Variants in NLN observed in about 807,000 individuals in gnomAD.
The protein encoded by NLN is neurolysin, mitochondrial.
Under a neutral mutation model 79.9 loss-of-function variants are expected in NLN, and 64 were observed. The observed-to-expected ratio is 0.80, with a 90% confidence interval of 0.65 to 0.99. The LOEUF is 0.99. NLN is among the 50% of genes least tolerant of loss of function. The pLI, the probability that NLN is intolerant of heterozygous loss-of-function variation, is 0.00. For synonymous variants in NLN, 267 were observed against 296.6 expected (o/e 0.90, Z 1.02); for missense variants, 835 against 858.7 (o/e 0.97, Z 0.34).
At chr5:65,774,199 A>G (rs890005914) in intron 3 of NLN, among the ~76,000 whole-genome samples, 3 of 152,132 alleles carry the variant, frequency 2.0e-5, no homozygotes, top group Non-Finnish European at 4.4e-5. Flanking sequence ...ATACACATTC[A>G]TATTAAAACT....
intron 3 of NLN, among the ~76,000 whole-genome samples, chr5:65,764,553 A>G (rs528152563): frequency 5.1e-4 from 78 of 152,222 alleles, no homozygotes; most frequent in Non-Finnish European, 9.7e-4. Flanking sequence ...TAAATTTTCT[A>G]TAGTTTTGGG....
Position 65,780,183 on chromosome 5 carries a change from T to C in NLN, c.563T>C (p.Ile188Thr). 1 of 1,266,830 alleles carries C rather than the reference T, an allele frequency of 7.9e-7. No homozygotes were observed. Among genetic ancestry groups the C allele is most frequent in the East Asian group, 2.4e-5 (1 of 42,032 alleles). 78.5% of individuals were successfully genotyped at this position (1,266,830 alleles called of 1,614,324 possible). ...GTATTTTTATCTTCCTTTCAGGAAA[T>C]CAAATCAATGAAGAAAAGAATGAGT... ...LHLPEQVQNE[I>T]KSMKKRMSEL... The change falls in exon 5 of 13, where the codon ATC becomes ACC. Residue 188 changes from isoleucine to threonine, a missense_variant. Transcript: ENST00000380985.
intron 5 of NLN, among the ~76,000 whole-genome samples, chr5:65,780,649 A>G (rs1461580258): frequency 6.6e-6 from 1 of 150,730 alleles, no homozygotes; most frequent in Non-Finnish European, 1.5e-5. Context: ...GTCTCTTCTT[A>G]CTCAGTCCTG....
intron 1 of NLN, among the ~76,000 whole-genome samples, chr5:65,752,060 G>A (rs1344069485): frequency 6.6e-6 from 1 of 151,956 alleles, no homozygotes; most frequent in East Asian, 1.9e-4. Context: ...GGCAACATGG[G>A]AAAACCACAT....
intron 4 of NLN, 99 bp from the exon 5 acceptor site, chr5:65,780,080 C>T: frequency 1.6e-6 from 1 of 630,072 alleles, no homozygotes; most frequent in Non-Finnish European, 2.9e-6. Context: ...CCCACCTTAG[C>T]CTCCCAAATT....
intron 9 of NLN, among the ~76,000 whole-genome samples, chr5:65,798,679 T>C (rs977868674): frequency 3.3e-5 from 5 of 152,198 alleles, no homozygotes; most frequent in Admixed American, 2.6e-4. Context: ...CTTTTTGTTA[T>C]TTTATTTGTT....
chr5:65,813,121 C>T (rs962096360), intron 12 of NLN, among the ~76,000 whole-genome samples: 1 of 152,088 alleles, frequency 6.6e-6, no homozygotes, highest in African/African-American at 2.4e-5. Context: ...AGATTTTTTT[C>T]TCCAAATGTT....
chr5:65,772,004 A>C (rs572607053), intron 3 of NLN, among the ~76,000 whole-genome samples: 1 of 150,806 alleles, frequency 6.6e-6, no homozygotes, highest in African/African-American at 2.4e-5. Context: ...TTACAATTTC[A>C]TTCCTTTTAT....
At chr5:65,733,424 G>A (rs375491978) in intron 1 of NLN, 91,440 of 1,337,374 alleles carry the variant, frequency 0.068, 4,954 homozygotes, top group Non-Finnish European at 0.083. Context: ...AAGACCTGCT[G>A]TGTCACACAG....
intron 1 of NLN, among the ~76,000 whole-genome samples, chr5:65,739,253 A>G (rs957940195): frequency 1.3e-5 from 2 of 151,642 alleles, no homozygotes; most frequent in Admixed American, 6.6e-5. Flanking sequence ...TACATTCCAC[A>G]TATGAGTGAG....
intron 3 of NLN, among the ~76,000 whole-genome samples, chr5:65,776,582 C>T (rs1001164793): frequency 6.6e-6 from 1 of 152,328 alleles, no homozygotes; most frequent in Admixed American, 6.5e-5. Context: ...TCCATTACAC[C>T]TGCTGAATCT....
At chr5:65,795,498 C>G (rs541772278) in intron 9 of NLN, among the ~76,000 whole-genome samples, 2 of 152,254 alleles carry the variant, frequency 1.3e-5, no homozygotes, top group South Asian at 4.1e-4. Flanking sequence ...ACTAGCCTGG[C>G]CAACATGGCA....
Position 65,797,992 on chromosome 5 carries a change from G to T in NLN, c.1527+5337G>T, listed in dbSNP as rs898156475. Among the ~76,000 whole-genome samples, 5 of 152,310 alleles carry T rather than the reference G, an allele frequency of 3.3e-5. No individual in the cohort carries two copies. In the East Asian group the frequency reaches 9.6e-4, roughly 29 times the overall value. On this transcript the variant is annotated intron_variant, in intron 9 of 12. Transcript: ENST00000380985. ...GAAAGAGCAGCTTGGAGTATTGGGAGTGATGGAGGATTAGCTGAAGAGCAA... is the reference window on the plus strand; with the variant it reads ...GAAAGAGCAGCTTGGAGTATTGGGATTGATGGAGGATTAGCTGAAGAGCAA...
At chr5:65,729,989 A>G (rs1446571681) in intron 1 of NLN, among the ~76,000 whole-genome samples, 1 of 152,252 alleles carries the variant, frequency 6.6e-6, no homozygotes, top group Non-Finnish European at 1.5e-5. Context: ...CTTAGGCAAG[A>G]ATACTTAAGT....
At chr5:65,790,740 TAAAAC>T (rs1760040046) in intron 8 of NLN, among the ~76,000 whole-genome samples, 1 of 152,224 alleles carries the variant, frequency 6.6e-6, no homozygotes, top group Non-Finnish European at 1.5e-5. Flanking sequence ...GACCTAAAAG[TAAAAC>T]CCTGCCAAAT....
At chr5:65,769,406 A>G (rs1323671068) in intron 3 of NLN, among the ~76,000 whole-genome samples, 2 of 152,210 alleles carry the variant, frequency 1.3e-5, no homozygotes, top group African/African-American at 2.4e-5. Flanking sequence ...GTATAACTGG[A>G]TTGTTTGTAA....
At chr5:65,728,475 G>A (rs1758528723) in intron 1 of NLN, among the ~76,000 whole-genome samples, 2 of 152,176 alleles carry the variant, frequency 1.3e-5, no homozygotes, top group African/African-American at 4.8e-5. Context: ...CTTACAAATG[G>A]AATTTGTACA....
At chr5:65,786,619 G>GT (rs1759928947) in intron 7 of NLN, among the ~76,000 whole-genome samples, 2 of 151,962 alleles carry the variant, frequency 1.3e-5, no homozygotes, top group Non-Finnish European at 2.9e-5. Flanking sequence ...CACTTCGGGA[G>GT]GCCGAGGTGA....
chr5:65,739,216 A>G (rs1278256482), intron 1 of NLN, among the ~76,000 whole-genome samples: 1 of 151,400 alleles, frequency 6.6e-6, no homozygotes, highest in East Asian at 1.9e-4. Flanking sequence ...TCTACTTTCT[A>G]TAGTACTTCT....
Sources: gnomAD v4.1 joint callset for allele counts (sites outside exome capture counted in the v4.1 genomes callset) on GRCh38, gnomAD v4.1.1 for gene constraint, MANE v1.5 for transcripts, NCBI Gene and HGNC (gene_info 2026-07-23, HGNC 2026-07-21) for gene names.